CYB561: variants seen among roughly 807,000 people sequenced by gnomAD.
CYB561 encodes the protein cytochrome b561.
A neutral mutation model predicts 25.3 loss-of-function variants in CYB561; 11 were observed. That is an observed-to-expected ratio of 0.44 (90% CI 0.27 to 0.72). The LOEUF (loss-of-function observed/expected upper bound fraction) is 0.72. Among genes scored for constraint, CYB561 ranks in the 30% least tolerant of loss-of-function variants. The probability of loss-of-function intolerance (pLI) is 0.18; values close to 1 mark genes in which losing one functional copy is unlikely to be tolerated. For missense variants in CYB561, 295 were observed against 334.9 expected (o/e 0.88, Z 0.93); for synonymous variants, 165 against 158.8 (o/e 1.04, Z -0.29).
rs754220945 is a variant in CYB561, at chr17:63,437,343, C to T, written c.202+3G>A. On this transcript the variant is annotated splice_donor_region_variant and intron_variant, in intron 2 of 5. Coordinates refer to ENST00000360793, the MANE Select transcript of CYB561 (RefSeq NM_001915.4). The stretch of plus-strand genomic sequence containing the variant: ...GAAAAGAGGAGCGGCCCATGGGACT[C>T]ACCATTTCCCTGCAGGAAGATCAGG... 1.9e-6 allele frequency: 3 copies of T among 1,612,072 alleles called. No homozygotes were observed. The highest frequency in any genetic ancestry group is 2.5e-6 in the Non-Finnish European group (3 of 1,178,340).
At chr17:63,437,601 C>T (rs747002860) in intron 1 of CYB561, 41 bp from the exon 2 acceptor site, 1 of 1,530,912 alleles carries the variant, frequency 6.5e-7, no homozygotes. Context: ...GCGCACAGCA[C>T]CCCGAGATGC....
chr17:63,440,173 G>A (rs2049360569), intron 1 of CYB561: 2 of 398,570 alleles, frequency 5.0e-6, no homozygotes, highest in Non-Finnish European at 8.8e-6. Flanking sequence ...ATTTCTGACG[G>A]TTCACTACTC....
chr17:63,433,726 GA>G lies in CYB561; in HGVS notation c.*675del. 1 of 260,620 alleles carries G rather than the reference GA, an allele frequency of 3.8e-6. No individual in the cohort carries two copies. The highest frequency in any genetic ancestry group is 6.9e-5 in the East Asian group (1 of 14,456). 16.1% of individuals were successfully genotyped at this position (260,620 alleles called of 1,614,324 possible). A position where few individuals can be genotyped will look rare whatever the true frequency, so the allele number is the denominator to read the frequency against. On this transcript the variant is annotated 3_prime_UTR_variant, in exon 6 of 6. Coordinates refer to ENST00000360793, the MANE Select transcript of CYB561 (RefSeq NM_001915.4). Reference sequence around the variant, plus strand: ...GGAGGCCCGCCTGCATCTGCCAAGAGAAAGTCTGTCTGAAGTCATGGGCTTC... The same window carrying G: ...GGAGGCCCGCCTGCATCTGCCAAGAGAAGTCTGTCTGAAGTCATGGGCTTC...
chr17:63,436,275 G>C lies in CYB561; in HGVS notation c.203-123C>G. The C allele has an allele frequency of 8.0e-7, 1 of 1,253,422 alleles. No homozygotes were observed. Among genetic ancestry groups the C allele is most frequent in the Admixed American group, 2.4e-5 (1 of 41,564 alleles). The allele number at this position is 1,253,422 out of a possible 1,614,324, so 77.6% of individuals were successfully genotyped here. A position where few individuals can be genotyped will look rare whatever the true frequency, so the allele number is the denominator to read the frequency against. On this transcript the variant is annotated intron_variant, in intron 2 of 5. Coordinates refer to ENST00000360793, the MANE Select transcript of CYB561 (RefSeq NM_001915.4). The surrounding 1 kb of genome is among the most constrained non-coding windows in gnomAD (Gnocchi z 4.8). The stretch of plus-strand genomic sequence containing the variant: ...GCTGACGGCTTGTAACAGGAGCCTA[G>C]CTGCAGGAACCGGAGGAGAAAGCCA...
chr17:63,435,949 C>A (rs915803401), intron 3 of CYB561, 105 bp downstream of exon 3: 3 of 1,595,014 alleles, frequency 1.9e-6, no homozygotes, highest in Admixed American at 3.4e-5. Context: ...GGGGTGGGGG[C>A]GGGCCCATCA....
intron 1 of CYB561, chr17:63,438,020 T>C: frequency 1.8e-6 from 2 of 1,092,156 alleles, no homozygotes; most frequent in Non-Finnish European, 2.3e-6. Context: ...CTCGCTCTCC[T>C]ACCCGCAAGC....
chr17:63,433,587 G>A lies in CYB561; in HGVS notation c.*815C>T, dbSNP rs1007527422. On this transcript the variant is annotated 3_prime_UTR_variant, in exon 6 of 6. Coordinates refer to ENST00000360793, the MANE Select transcript of CYB561 (RefSeq NM_001915.4). Reference sequence around the variant, plus strand: ...CCTGAGCAGAGCCTGGGTGAGCCTGGGAGAGGAAACCAGAGCTGAGCCGCA... The same window carrying A: ...CCTGAGCAGAGCCTGGGTGAGCCTGAGAGAGGAAACCAGAGCTGAGCCGCA... 7.7e-6 allele frequency: 3 copies of A among 387,694 alleles called. No individual in the cohort carries two copies. The highest frequency in any genetic ancestry group is 8.9e-5 in the Admixed American group (2 of 22,362). 24.0% of individuals were successfully genotyped at this position (387,694 alleles called of 1,614,324 possible). A position where few individuals can be genotyped will look rare whatever the true frequency, so the allele number is the denominator to read the frequency against.
chr17:63,442,554 G>A (rs1481867730), intron 1 of CYB561, among the ~76,000 whole-genome samples: 1 of 152,138 alleles, frequency 6.6e-6, no homozygotes, highest in Non-Finnish European at 1.5e-5. Flanking sequence ...GAGCAGAACT[G>A]TGGGCAGCAG....
intron 1 of CYB561, among the ~76,000 whole-genome samples, chr17:63,445,380 C>CTTTTTT (rs558247824): frequency 3.1e-5 from 4 of 128,534 alleles, no homozygotes; most frequent in African/African-American, 6.0e-5. Context: ...GGTGGCAAAG[C>CTTTTTT]TTTTTTTTTT....
chr17:63,435,625 C>A, intron 4 of CYB561, 63 bp downstream of exon 4: 1 of 1,335,042 alleles, frequency 7.5e-7, no homozygotes, highest in South Asian at 1.2e-5. Flanking sequence ...TTCAGCCCAG[C>A]TCCCCTCCTC....
At position 63,446,305 on chromosome 17, in the gene CYB561, C is replaced by G. The variant is rs1171988441; in HGVS notation, c.-74G>C. 1 of 151,944 alleles carries G rather than the reference C, an allele frequency of 6.6e-6. No homozygotes were observed. The highest frequency in any genetic ancestry group is 1.5e-5 in the Non-Finnish European group (1 of 67,984). 9.4% of individuals were successfully genotyped at this position (151,944 alleles called of 1,614,324 possible). The stretch of plus-strand genomic sequence containing the variant: ...CCGCGCCCGGGTCGCTTGGCCGGTT[C>G]TGCGGGCCGTGGCGCGACGGCGTCG... On this transcript the variant is annotated 5_prime_UTR_variant, in exon 1 of 6. Coordinates refer to ENST00000360793, the MANE Select transcript of CYB561 (RefSeq NM_001915.4).
intron 1 of CYB561, chr17:63,438,024 C>A (rs1189982700): frequency 3.3e-6 from 5 of 1,510,080 alleles, no homozygotes; most frequent in South Asian, 1.2e-5. Context: ...CTCTCCTACC[C>A]GCAAGCCCCT....
chr17:63,443,442 C>G (rs1041171195), intron 1 of CYB561, among the ~76,000 whole-genome samples: 10 of 152,140 alleles, frequency 6.6e-5, no homozygotes, highest in African/African-American at 2.4e-4. Flanking sequence ...GACCAGGTAC[C>G]AAGGAACTAG....
chr17:63,443,602 C>T (rs1300501021), intron 1 of CYB561, among the ~76,000 whole-genome samples: 1 of 152,146 alleles, frequency 6.6e-6, no homozygotes, highest in East Asian at 1.9e-4. Flanking sequence ...GAAAATGTTG[C>T]AATTTTTTAA....
chr17:63,437,883 C>T, intron 1 of CYB561: 1 of 353,376 alleles, frequency 2.8e-6, no homozygotes, highest in Non-Finnish European at 5.2e-6. Flanking sequence ...ATGCGAGCAG[C>T]CCCCCTGAGA....
chr17:63,443,216 C>T (rs1486802964), intron 1 of CYB561, among the ~76,000 whole-genome samples: 1 of 152,178 alleles, frequency 6.6e-6, no homozygotes, highest in African/African-American at 2.4e-5. Flanking sequence ...CCAGGCAGTG[C>T]TCCCCATCCC....
rs1179238146 is a variant in CYB561 at position 63,432,456 on chromosome 17, A to ACAGAC, written c.*1941_*1945dup. ...AGTCATCCAGTGTTCACTTTGGCAA[A>ACAGAC]CAGACCAGTTTACAGACTTTTGTTG... On this transcript the variant is annotated 3_prime_UTR_variant, in exon 6 of 6. Transcript: ENST00000360793. 1 of 152,230 alleles carries ACAGAC rather than the reference A, an allele frequency of 6.6e-6. No individual in the cohort carries two copies. The highest frequency in any genetic ancestry group is 2.4e-5 in the African/African-American group (1 of 41,458). The allele number at this position is 152,230 out of a possible 1,614,324, so 9.4% of individuals were successfully genotyped here.
At position 63,433,697 on chromosome 17, in the gene CYB561, G is replaced by A. The variant is rs868246308; in HGVS notation, c.*705C>T. 3.5e-5 allele frequency: 11 copies of A among 315,548 alleles called. No individual in the cohort carries two copies. Among genetic ancestry groups the A allele is most frequent in the African/African-American group, 1.7e-4 (8 of 46,898 alleles). The allele number at this position is 315,548 out of a possible 1,614,324, so 19.5% of individuals were successfully genotyped here. A position where few individuals can be genotyped will look rare whatever the true frequency, so the allele number is the denominator to read the frequency against. ...CCAACCCCCATGTCTGGAGCAGCCTGGGAGGAGGCCCGCCTGCATCTGCCA... is the reference window on the plus strand; with the variant it reads ...CCAACCCCCATGTCTGGAGCAGCCTAGGAGGAGGCCCGCCTGCATCTGCCA... On this transcript the variant is annotated 3_prime_UTR_variant, in exon 6 of 6. Transcript: ENST00000360793.
intron 1 of CYB561, 40 bp downstream of exon 1, chr17:63,446,203 ACC>A (rs1361580955): frequency 6.6e-6 from 1 of 151,160 alleles, no homozygotes; most frequent in Non-Finnish European, 1.5e-5. Context: ...CCCGCCCCGC[ACC>A]CCTGCGCGCT....
Sources: gnomAD v4.1 joint callset for allele counts (sites outside exome capture counted in the v4.1 genomes callset) on GRCh38, gnomAD v4.1.1 for gene constraint, Gnocchi (gnomAD v3.1) non-coding constraint, MANE v1.5 for transcripts, NCBI Gene and HGNC (gene_info 2026-07-23, HGNC 2026-07-21) for gene names.